Variants in SYNE1 observed in about 807,000 individuals in gnomAD.
SYNE1 encodes the protein nesprin-1.
Under a neutral mutation model 1,111.0 loss-of-function variants are expected in SYNE1, and 616 were observed. That is an observed-to-expected ratio of 0.55 (90% CI 0.52 to 0.59). The LOEUF is 0.59. Ranked by LOEUF, SYNE1 falls within the 20% of genes least tolerant of loss-of-function variation. SYNE1 has a pLI of 0.00. For missense variants in SYNE1, 10,006 were observed against 10,417.0 expected (o/e 0.96, Z 1.72); for synonymous variants, 3,855 against 3,825.8 (o/e 1.01, Z -0.28).
Position 152,414,119 on chromosome 6 carries a change from T to C in SYNE1, c.6051-588A>G, listed in dbSNP as rs576459521. On this transcript the variant is annotated intron_variant, in intron 41 of 145. Transcript: ENST00000367255. ...TCTCAGCATTTATAAAAAGTGGCCA[T>C]ATCACCAGCCACAGTGGCTCATGCC... Among the ~76,000 whole-genome samples, 8 of 152,018 alleles carry C rather than the reference T, an allele frequency of 5.3e-5. No homozygotes were observed. In the South Asian group the frequency reaches 1.7e-3, roughly 32 times the overall value.
rs149176829 is a variant in SYNE1, at chr6:152,243,046, A to C, written c.19693-606T>G. On this transcript the variant is annotated intron_variant, in intron 106 of 145. Transcript: ENST00000367255. ...TTAATATTTTAAGATTTTAAAGGAC[A>C]TGTAAAAGTGTTTCCTAGAAATGAT... Among the ~76,000 whole-genome samples, 371 of 152,348 alleles carry C rather than the reference A, an allele frequency of 2.4e-3. 2 individuals are homozygous for C. Among genetic ancestry groups the C allele is most frequent in the African/African-American group, 8.6e-3 (358 of 41,578 alleles).
Position 152,440,861 on chromosome 6 carries a change from G to A in SYNE1, c.4149+269C>T, listed in dbSNP as rs150174004. Reference sequence around the variant, plus strand: ...GATTACAGGAGTTGAGTCACAGCGCGCGGCCTGCCTCCAGATTTTAAAAAC... The same window carrying A: ...GATTACAGGAGTTGAGTCACAGCGCACGGCCTGCCTCCAGATTTTAAAAAC... On this transcript the variant is annotated intron_variant, in intron 32 of 145. Coordinates refer to ENST00000367255, the MANE Select transcript of SYNE1 (RefSeq NM_182961.4). Among the ~76,000 whole-genome samples, 260 of 151,888 alleles carry A rather than the reference G, an allele frequency of 1.7e-3. 1 individual carries two copies. The highest frequency in any genetic ancestry group is 6.0e-3 in the African/African-American group (247 of 41,390).
At chr6:152,223,476 C>G (rs1236146867) in intron 117 of SYNE1, among the ~76,000 whole-genome samples, 2 of 152,074 alleles carry the variant, frequency 1.3e-5, no homozygotes. Context: ...AAAAATTAGC[C>G]AGGCATGGAG....
rs182700277 is a variant in SYNE1 at position 152,606,748 on chromosome 6, C to T, written c.67+21517G>A. Among the ~76,000 whole-genome samples, 723 of 151,868 alleles carry T rather than the reference C, an allele frequency of 4.8e-3. 4 individuals carry two copies. The highest frequency in any genetic ancestry group is 0.01 in the Admixed American group (154 of 15,242). On this transcript the variant is annotated intron_variant, in intron 3 of 145. Coordinates refer to ENST00000367255, the MANE Select transcript of SYNE1 (RefSeq NM_182961.4). ...CTGCAAGCTCCGCCTCCCGGGTTCA[C>T]GCCATTCTCCTGCCTCAGCCTCCCA...
At chr6:152,631,456 T>C (rs920777637) in intron 2 of SYNE1, among the ~76,000 whole-genome samples, 9 of 152,178 alleles carry the variant, frequency 5.9e-5, no homozygotes, top group African/African-American at 2.2e-4. Context: ...GTTCTGGTTC[T>C]CTAGCAGGCA....
At chr6:152,368,734 TCTC>T (rs1451458595) in intron 61 of SYNE1, 2 of 545,042 alleles carry the variant, frequency 3.7e-6, no homozygotes, top group Non-Finnish European at 6.6e-6. Flanking sequence ...AGACTGAAAG[TCTC>T]CTCAATCTTT....
Position 152,367,017 on chromosome 6 carries a change from A to G in SYNE1, c.9972+201T>C, listed in dbSNP as rs188636656. On this transcript the variant is annotated intron_variant, in intron 62 of 145. Transcript: ENST00000367255. ...TCACATTCGGGCTTTATTTTATTTT[A>G]TTTTTTGGAAAACATCCGGGGTCAG... 1.7e-4 allele frequency: 127 copies of G among 728,536 alleles called. No homozygotes were observed. The African/African-American group carries it at 2.0e-3, about 12-fold the overall frequency. The allele number at this position is 728,536 out of a possible 1,614,324, so 45.1% of individuals were successfully genotyped here.
intron 32 of SYNE1, among the ~76,000 whole-genome samples, chr6:152,436,541 T>C (rs1287391166): frequency 6.6e-6 from 1 of 152,080 alleles, no homozygotes; most frequent in Non-Finnish European, 1.5e-5. Flanking sequence ...GCTCAAGTGA[T>C]CCTCCAGTCT....
intron 70 of SYNE1, among the ~76,000 whole-genome samples, chr6:152,351,681 T>C (rs560672995): frequency 2.3e-4 from 35 of 152,174 alleles, no homozygotes; most frequent in Non-Finnish European, 4.9e-4. Flanking sequence ...AGCCTCAATA[T>C]GGGAAAGATA....
At chr6:152,573,364 A>T (rs1366471234) in intron 3 of SYNE1, among the ~76,000 whole-genome samples, 1 of 119,626 alleles carries the variant, frequency 8.4e-6, no homozygotes, top group Non-Finnish European at 1.6e-5. Flanking sequence ...CTGGTGTGTT[A>T]TGGTCCCCTT....
chr6:152,374,033 G>A (rs1300125394), intron 58 of SYNE1, among the ~76,000 whole-genome samples: 1 of 152,160 alleles, frequency 6.6e-6, no homozygotes, highest in African/African-American at 2.4e-5. Context: ...TTTCCGTGGG[G>A]AATCTTATTC....
chr6:152,497,158 A>G (rs1386441575), intron 11 of SYNE1, among the ~76,000 whole-genome samples: 1 of 152,182 alleles, frequency 6.6e-6, no homozygotes, highest in Admixed American at 6.5e-5. Context: ...CTTCACATGG[A>G]CACGTTTGAC....
At chr6:152,128,604 CA>C (rs2054329288) in intron 145 of SYNE1, 1 of 152,218 alleles carries the variant, frequency 6.6e-6, no homozygotes, top group African/African-American at 2.4e-5. Context: ...CTCCTCCCTT[CA>C]AACTAATAGT....
chr6:152,483,250 C>G lies in SYNE1; in HGVS notation c.1186-1G>C. The G allele has an allele frequency of 6.2e-7, 1 of 1,613,810 alleles. No individual in the cohort carries two copies. Among genetic ancestry groups the G allele is most frequent in the Non-Finnish European group, 8.5e-7 (1 of 1,179,880 alleles). On this transcript the variant is annotated splice_acceptor_variant, in intron 13 of 145. Transcript: ENST00000367255. LOFTEE classifies it high-confidence loss of function. Reference sequence around the variant, plus strand: ...CAAGCTGTATATGCCAGTCAAAGAGCTAAAATTTAAAAAGCAGAAAAGTAA... The same window carrying G: ...CAAGCTGTATATGCCAGTCAAAGAGGTAAAATTTAAAAAGCAGAAAAGTAA...
rs561575510 is a variant in SYNE1 at position 152,370,908 on chromosome 6, C to T, written c.9508-1294G>A. 2.6e-5 allele frequency among the ~76,000 whole-genome samples: 4 copies of T among 152,308 alleles called. No individual in the cohort carries two copies. In the East Asian group the frequency reaches 7.7e-4, roughly 29 times the overall value. ...AGGGATATGGGTTAGCTGTAAGAAT[C>T]ATTTGAAAAGTTAGTATCTCACAAA... On this transcript the variant is annotated intron_variant, in intron 59 of 145. Coordinates refer to ENST00000367255, the MANE Select transcript of SYNE1 (RefSeq NM_182961.4).
chr6:152,377,350 C>T (rs1374575104), intron 56 of SYNE1, among the ~76,000 whole-genome samples: 1 of 151,768 alleles, frequency 6.6e-6, no homozygotes. Context: ...TGGCTCACGC[C>T]TGTAATTCCA....
chr6:152,297,747 T>G (rs1246628581), intron 93 of SYNE1, among the ~76,000 whole-genome samples: 1 of 151,490 alleles, frequency 6.6e-6, no homozygotes, highest in Admixed American at 6.6e-5. Flanking sequence ...TAAAATAAAT[T>G]TATTACAAAT....
chr6:152,634,724 T>C (rs2099703392), intron 2 of SYNE1, among the ~76,000 whole-genome samples: 1 of 152,244 alleles, frequency 6.6e-6, no homozygotes, highest in Non-Finnish European at 1.5e-5. Flanking sequence ...ATGAAAGATG[T>C]TCAGTGTCAT....
intron 129 of SYNE1, among the ~76,000 whole-genome samples, chr6:152,177,483 G>C (rs1359445230): frequency 6.6e-6 from 1 of 152,166 alleles, no homozygotes; most frequent in Non-Finnish European, 1.5e-5. Flanking sequence ...GGTATTATAT[G>C]AGTGTGAACA....
Sources: gnomAD v4.1 joint callset for allele counts (sites outside exome capture counted in the v4.1 genomes callset) on GRCh38, gnomAD v4.1.1 for gene constraint, MANE v1.5 for transcripts, NCBI Gene and HGNC (gene_info 2026-07-23, HGNC 2026-07-21) for gene names.